The following DOCK2 variants were observed in gnomAD, a reference collection of about 807,000 sequenced individuals.
The protein encoded by DOCK2 is dedicator of cytokinesis 2, also known as dedicator of cytokinesis protein 2.
DOCK2 carries 87 observed loss-of-function variants against 248.9 expected under a neutral mutation model. That is an observed-to-expected ratio of 0.35 (90% confidence interval 0.29 to 0.42). The LOEUF is 0.42. DOCK2 is among the 10% of genes least tolerant of loss of function. The probability of loss-of-function intolerance (pLI) is 1.00; values close to 1 mark genes in which losing one functional copy is unlikely to be tolerated. For synonymous variants in DOCK2, 805 were observed against 821.6 expected (o/e 0.98, Z 0.35); for missense variants, 1,747 against 2,300.2 (o/e 0.76, Z 4.92).
chr5:169,868,823 G>A (rs967929476), intron 27 of DOCK2, among the ~76,000 whole-genome samples: 1 of 152,130 alleles, frequency 6.6e-6, no homozygotes, highest in African/African-American at 2.4e-5. Context: ...TGCAGGCCTG[G>A]GTAGAAAAGA....
chr5:170,062,859 T>TCTTCCAG (rs1757378239), intron 44 of DOCK2, among the ~76,000 whole-genome samples: 1 of 152,196 alleles, frequency 6.6e-6, no homozygotes, highest in Non-Finnish European at 1.5e-5. Flanking sequence ...CAGTGGCTAC[T>TCTTCCAG]TGGCAGCCTG....
At chr5:169,858,985 G>T (rs894046964) in intron 27 of DOCK2, among the ~76,000 whole-genome samples, 1 of 152,220 alleles carries the variant, frequency 6.6e-6, no homozygotes, top group African/African-American at 2.4e-5. Context: ...CTGCACTTCA[G>T]CCTGGGTGAC....
intron 4 of DOCK2, 25 bp from the exon 5 acceptor site, chr5:169,671,053 C>T (rs1759026208): frequency 1.9e-6 from 3 of 1,606,278 alleles, no homozygotes; most frequent in Non-Finnish European, 2.6e-6. Context: ...CAATTTCACA[C>T]CACTTTTTCT....
At chr5:169,767,126 A>G (rs969859960) in intron 25 of DOCK2, among the ~76,000 whole-genome samples, 1 of 152,220 alleles carries the variant, frequency 6.6e-6, no homozygotes, top group African/African-American at 2.4e-5. Context: ...TTTGATTTGC[A>G]TATCTCTAAT....
chr5:169,703,780 A>G (rs1372556050), intron 14 of DOCK2, among the ~76,000 whole-genome samples: 1 of 152,248 alleles, frequency 6.6e-6, no homozygotes, highest in Non-Finnish European at 1.5e-5. Context: ...TCAAAGGAAC[A>G]TAAAGGAGCG....
intron 27 of DOCK2, among the ~76,000 whole-genome samples, chr5:169,958,696 G>A (rs1448063319): frequency 1.3e-5 from 2 of 152,066 alleles, no homozygotes; most frequent in Non-Finnish European, 2.9e-5. Context: ...AGATGGTTAA[G>A]TATGTATTAA....
At chr5:170,010,667 T>C (rs1421851011) in intron 32 of DOCK2, among the ~76,000 whole-genome samples, 3 of 152,250 alleles carry the variant, frequency 2.0e-5, no homozygotes, top group African/African-American at 4.8e-5. Context: ...GAAAACTAAT[T>C]GAAAGTTTTC....
At chr5:169,817,093 A>G (rs1314944859) in intron 26 of DOCK2, among the ~76,000 whole-genome samples, 1 of 152,054 alleles carries the variant, frequency 6.6e-6, no homozygotes, top group African/African-American at 2.4e-5. Flanking sequence ...CTGAATTGTG[A>G]CCTCTGAGAG....
chr5:169,806,998 G>A (rs1428319558), intron 26 of DOCK2, among the ~76,000 whole-genome samples: 1 of 152,008 alleles, frequency 6.6e-6, no homozygotes, highest in Non-Finnish European at 1.5e-5. Context: ...CGCTGAATAT[G>A]GGTACAAGCT....
chr5:170,007,570 C>T (rs1352571562), intron 30 of DOCK2, among the ~76,000 whole-genome samples: 3 of 152,090 alleles, frequency 2.0e-5, no homozygotes, highest in East Asian at 3.9e-4. Flanking sequence ...ACCGAGGCTC[C>T]GTGATGAATC....
chr5:169,827,869 C>A (rs981670175), intron 26 of DOCK2, among the ~76,000 whole-genome samples: 1 of 150,758 alleles, frequency 6.6e-6, no homozygotes, highest in African/African-American at 2.4e-5. Context: ...ACATTAAAAA[C>A]ACACACACAC....
At chr5:169,873,946 G>A (rs1772145250) in intron 27 of DOCK2, among the ~76,000 whole-genome samples, 1 of 152,186 alleles carries the variant, frequency 6.6e-6, no homozygotes. Flanking sequence ...ATTCCAGGGA[G>A]CCTCCTTGTC....
intron 7 of DOCK2, 46 bp from the exon 8 acceptor site, chr5:169,684,150 A>C: frequency 1.2e-6 from 2 of 1,609,028 alleles, no homozygotes; most frequent in Non-Finnish European, 1.7e-6. Context: ...AAGTGGTGCT[A>C]GGCTAATTTT....
intron 25 of DOCK2, among the ~76,000 whole-genome samples, chr5:169,769,592 G>A (rs565194907): frequency 8.5e-5 from 13 of 152,376 alleles, no homozygotes; most frequent in Non-Finnish European, 2.9e-5. Flanking sequence ...AGATGTCCCT[G>A]AGGAGTTTGC....
chr5:169,719,203 G>T (rs993946792), intron 22 of DOCK2, among the ~76,000 whole-genome samples: 4 of 152,206 alleles, frequency 2.6e-5, no homozygotes, highest in African/African-American at 9.6e-5. Flanking sequence ...GCTGGTATTT[G>T]CAGTTGACCT....
intron 26 of DOCK2, among the ~76,000 whole-genome samples, chr5:169,811,146 A>G (rs1048916833): frequency 5.9e-5 from 9 of 152,124 alleles, no homozygotes; most frequent in Non-Finnish European, 1.2e-4. Context: ...TCCAGACTAG[A>G]GGGCATTCTT....
chr5:169,794,898 G>A (rs530430343), intron 25 of DOCK2, among the ~76,000 whole-genome samples: 2 of 152,314 alleles, frequency 1.3e-5, no homozygotes, highest in South Asian at 4.1e-4. Context: ...ACTCCAGCCT[G>A]GGTGACAGTG....
At chr5:170,033,999 T>G (rs1465908928) in intron 34 of DOCK2, among the ~76,000 whole-genome samples, 1 of 152,194 alleles carries the variant, frequency 6.6e-6, no homozygotes, top group Non-Finnish European at 1.5e-5. Context: ...TATTATATCT[T>G]TGCATACTTC....
At chr5:169,699,503 G>C (rs772965676) in intron 12 of DOCK2, 45 bp downstream of exon 12, 1 of 1,579,974 alleles carries the variant, frequency 6.3e-7, no homozygotes, top group Admixed American at 1.8e-5. Flanking sequence ...TCCAGCTTGG[G>C]AGCCCCTAAC....
Sources: gnomAD v4.1 joint callset for allele counts (sites outside exome capture counted in the v4.1 genomes callset) on GRCh38, gnomAD v4.1.1 for gene constraint, MANE v1.5 for transcripts, NCBI Gene and HGNC (gene_info 2026-07-23, HGNC 2026-07-21) for gene names.